Variants in SUSD1 observed in about 807,000 individuals in gnomAD.
SUSD1 encodes the protein sushi domain-containing protein 1.
SUSD1 carries 65 observed loss-of-function variants against 86.9 expected under a neutral mutation model. That is an observed-to-expected ratio of 0.75 (90% confidence interval 0.61 to 0.92). SUSD1 has a LOEUF of 0.92. Among genes scored for constraint, SUSD1 ranks in the 40% least tolerant of loss-of-function variants. The pLI is 0.00. For synonymous variants in SUSD1, 346 were observed against 350.0 expected, an observed-to-expected ratio of 0.99 and a Z score of 0.13; for missense variants, 850 against 929.7, an observed-to-expected ratio of 0.91 and a Z score of 1.11.
chr9:112,157,539 T>G lies in SUSD1; in HGVS notation c.178A>C (p.Asn60His), dbSNP rs138958002. ...QREGKKICIC[N>H]YGFVGNGRTQ... ...CTCCCGTTCCCTACAAATCCATAGT[T>G]GCAAATACAGATCTTCTTCCCTTCT... The change falls in exon 2 of 17, where the codon AAC becomes CAC. Residue 60 changes from asparagine to histidine, a missense_variant. Transcript: ENST00000374270. 2.5e-6 allele frequency: 4 copies of G among 1,614,050 alleles called. No individual in the cohort carries two copies. The African/African-American group carries it at 4.0e-5, about 16-fold the overall frequency.
chr9:112,111,966 T>C, intron 7 of SUSD1, 126 bp from the exon 8 acceptor site: 1 of 958,796 alleles, frequency 1.0e-6, no homozygotes, highest in Non-Finnish European at 1.5e-6. Flanking sequence ...GGAGCATTCG[T>C]AAGGTAAACC....
intron 6 of SUSD1, among the ~76,000 whole-genome samples, chr9:112,122,735 G>A (rs1390495866): frequency 6.6e-6 from 1 of 152,154 alleles, no homozygotes; most frequent in African/African-American, 2.4e-5. Context: ...ACACCCAAGT[G>A]TCCATCAACA....
intron 10 of SUSD1, among the ~76,000 whole-genome samples, chr9:112,098,189 G>A (rs1025542363): frequency 4.6e-5 from 7 of 152,288 alleles, no homozygotes; most frequent in African/African-American, 1.7e-4. Flanking sequence ...TGGGGTGAGA[G>A]ATAAAATGCT....
intron 10 of SUSD1, among the ~76,000 whole-genome samples, chr9:112,091,673 C>A (rs1475775279): frequency 6.6e-6 from 1 of 152,142 alleles, no homozygotes; most frequent in Non-Finnish European, 1.5e-5. Context: ...GGCTATAAAT[C>A]AACTATCCTG....
intron 2 of SUSD1, among the ~76,000 whole-genome samples, chr9:112,151,069 A>G (rs1470583362): frequency 6.6e-6 from 1 of 152,192 alleles, no homozygotes; most frequent in African/African-American, 2.4e-5. Context: ...TGGGGCTAGG[A>G]GCAGCTAGCA....
At chr9:112,052,974 A>G (rs776274006) in intron 14 of SUSD1, among the ~76,000 whole-genome samples, 6 of 152,202 alleles carry the variant, frequency 3.9e-5, no homozygotes, top group Non-Finnish European at 8.8e-5. Context: ...TCCATAGTAG[A>G]AGAAATCTAT....
At chr9:112,059,124 G>A (rs1034515423) in intron 13 of SUSD1, among the ~76,000 whole-genome samples, 5 of 152,106 alleles carry the variant, frequency 3.3e-5, no homozygotes, top group Non-Finnish European at 5.9e-5. Flanking sequence ...CTGGAGACAC[G>A]ACACTAGGCA....
At chr9:112,068,699 CAA>C (rs200990357) in intron 12 of SUSD1, among the ~76,000 whole-genome samples, 79 of 84,456 alleles carry the variant, frequency 9.4e-4, no homozygotes, top group African/African-American at 1.3e-3. Context: ...GACCCTGTCT[CAA>C]AAAAAAAAAA....
At chr9:112,133,084 C>T (rs2131719274) in intron 5 of SUSD1, among the ~76,000 whole-genome samples, 1 of 152,268 alleles carries the variant, frequency 6.6e-6, no homozygotes, top group Middle Eastern at 3.4e-3. Context: ...TTAAGACCAG[C>T]CTGGGCAACA....
rs1470822678 is a variant in SUSD1, at chr9:112,111,671, A to G, written c.1154T>C (p.Ile385Thr). 3 of 1,613,668 alleles carry G rather than the reference A, an allele frequency of 1.9e-6. No individual in the cohort carries two copies. Among genetic ancestry groups the G allele is most frequent in the Non-Finnish European group, 2.5e-6 (3 of 1,179,898 alleles). ...CCACCTACCAGCTGTCTGGAAACCG[A>G]TGACGGCTGGCATCGAGCGCCTGGG... is the stretch of plus-strand genomic sequence containing the variant. ...APPRRSMPAVIGFQTAEVDLL... is the reference protein window; with the variant it reads ...APPRRSMPAVTGFQTAEVDLL... The change falls in exon 8 of 17, where the codon ATC (isoleucine) becomes ACC (threonine). Residue 385 changes from isoleucine (I) to threonine (T), a missense_variant. Coordinates refer to ENST00000374270, the MANE Select transcript of SUSD1 (RefSeq NM_022486.5).
At chr9:112,098,416 A>G in intron 10 of SUSD1, 54 bp downstream of exon 10, 1 of 1,578,770 alleles carries the variant, frequency 6.3e-7, no homozygotes, top group Non-Finnish European at 8.7e-7. Flanking sequence ...ACACTGCTCA[A>G]TTCACATAGG....
Position 112,098,485 on chromosome 9 carries a change from C to T in SUSD1, c.1459G>A (p.Ala487Thr). ...CTACACCCACCTGCTGGGGGAGTTGCTATTGTTATTTGCACTGAGTGCCGC... is the reference window on the plus strand; with the variant it reads ...CTACACCCACCTGCTGGGGGAGTTGTTATTGTTATTTGCACTGAGTGCCGC... ...PKRHSVQITI[A>T]TPPAVKQTIS... The change falls in exon 10 of 17, where the codon GCA becomes ACA. Residue 487 changes from alanine (A) to threonine (T), a missense_variant. Coordinates refer to ENST00000374270, the MANE Select transcript of SUSD1 (RefSeq NM_022486.5). The T allele has an allele frequency of 6.2e-7, 1 of 1,614,028 alleles. No individual in the cohort carries two copies.
intron 1 of SUSD1, among the ~76,000 whole-genome samples, chr9:112,164,193 A>G (rs906335162): frequency 6.6e-6 from 1 of 152,148 alleles, no homozygotes; most frequent in Non-Finnish European, 1.5e-5. Context: ...TTTAAAAGAA[A>G]CTGAATTAAG....
chr9:112,052,196 G>T, intron 15 of SUSD1: 1 of 1,498,848 alleles, frequency 6.7e-7, no homozygotes, highest in Admixed American at 2.2e-5. Flanking sequence ...CCTTCTTGGT[G>T]GGGTAGCTCT....
intron 15 of SUSD1, among the ~76,000 whole-genome samples, chr9:112,050,158 G>A (rs1165746661): frequency 2.0e-5 from 3 of 152,058 alleles, no homozygotes; most frequent in East Asian, 1.9e-4. Context: ...TCAGGGGATG[G>A]ACTGGCAAAA....
intron 10 of SUSD1, among the ~76,000 whole-genome samples, chr9:112,091,455 G>A (rs531769814): frequency 4.3e-4 from 66 of 152,248 alleles, no homozygotes; most frequent in African/African-American, 1.5e-3. Flanking sequence ...TTACTCCCTG[G>A]GAAGAGTGCT....
chr9:112,170,552 A>G (rs1196616599), intron 1 of SUSD1, among the ~76,000 whole-genome samples: 1 of 151,820 alleles, frequency 6.6e-6, no homozygotes, highest in African/African-American at 2.4e-5. Flanking sequence ...CGCGAAACAC[A>G]CTTTCCTTAC....
intron 10 of SUSD1, among the ~76,000 whole-genome samples, chr9:112,093,320 A>T (rs1052513281): frequency 1.9e-4 from 29 of 152,196 alleles, no homozygotes; most frequent in Non-Finnish European, 4.4e-5. Flanking sequence ...CCCAAACAAA[A>T]GGCAGACTTG....
intron 5 of SUSD1, among the ~76,000 whole-genome samples, chr9:112,141,758 A>C (rs921031955): frequency 1.4e-5 from 2 of 145,938 alleles, no homozygotes; most frequent in African/African-American, 2.5e-5. Context: ...TGTAATATAT[A>C]ATATATAATA....
Sources: gnomAD v4.1 joint callset for allele counts (sites outside exome capture counted in the v4.1 genomes callset) on GRCh38, gnomAD v4.1.1 for gene constraint, MANE v1.5 for transcripts, NCBI Gene and HGNC (gene_info 2026-07-23, HGNC 2026-07-21) for gene names.